The following NKAIN2 variants were observed in gnomAD, a reference collection of about 807,000 sequenced individuals.
The protein encoded by NKAIN2 is sodium/potassium-transporting ATPase subunit beta-1-interacting protein 2.
In NKAIN2, 14 loss-of-function variants were observed where a neutral mutation model predicts 32.6. The ratio of observed to expected loss-of-function variants is 0.43; its 90% CI spans 0.28 to 0.67. The LOEUF is 0.67. Among genes scored for constraint, NKAIN2 ranks in the 30% least tolerant of loss-of-function variants. NKAIN2 has a pLI of 0.17. For synonymous variants in NKAIN2, 80 were observed against 87.2 expected (o/e 0.92, Z 0.46); for missense variants, 198 against 258.3 (o/e 0.77, Z 1.60).
intron 1 of NKAIN2, among the ~76,000 whole-genome samples, chr6:124,211,422 G>A (rs1562424936): frequency 6.6e-6 from 1 of 151,864 alleles, no homozygotes; most frequent in African/African-American, 2.4e-5. Context: ...AAACAGCTCT[G>A]TTTTGGGAAT....
intron 3 of NKAIN2, among the ~76,000 whole-genome samples, chr6:124,441,560 A>C (rs987310274): frequency 1.3e-5 from 2 of 152,058 alleles, no homozygotes; most frequent in African/African-American, 4.8e-5. Flanking sequence ...AAAGGTCCAC[A>C]TGGAGGAGTT....
intron 1 of NKAIN2, among the ~76,000 whole-genome samples, chr6:123,808,362 T>C (rs1773310521): frequency 6.6e-6 from 1 of 152,190 alleles, no homozygotes; most frequent in Non-Finnish European, 1.5e-5. Context: ...CATACAATAC[T>C]TTAGAAACTT....
chr6:123,955,700 A>G (rs191023808), intron 1 of NKAIN2, among the ~76,000 whole-genome samples: 202 of 151,818 alleles, frequency 1.3e-3, no homozygotes, highest in African/African-American at 4.5e-3. Context: ...ATCATAGCTC[A>G]ATGCAACCTC....
chr6:123,883,443 C>T (rs1405791039), intron 1 of NKAIN2, among the ~76,000 whole-genome samples: 3 of 147,796 alleles, frequency 2.0e-5, no homozygotes. Flanking sequence ...CTGCACCCGG[C>T]GTGAGTGAGT....
chr6:124,099,863 G>C (rs1247135629), intron 1 of NKAIN2, among the ~76,000 whole-genome samples: 3 of 152,144 alleles, frequency 2.0e-5, no homozygotes, highest in African/African-American at 7.2e-5. Flanking sequence ...GAGGGTTAAA[G>C]CCTTTGTATG....
intron 1 of NKAIN2, among the ~76,000 whole-genome samples, chr6:124,170,793 AG>A (rs1173099544): frequency 6.6e-6 from 1 of 152,170 alleles, no homozygotes; most frequent in Non-Finnish European, 1.5e-5. Context: ...GGTGATACCT[AG>A]GGTGTTTATA....
chr6:124,823,187 C>G (rs778391888), intron 6 of NKAIN2, 33 bp from the exon 7 acceptor site: 2 of 1,504,390 alleles, frequency 1.3e-6, no homozygotes, highest in East Asian at 4.5e-5. Context: ...GTCACTTTCC[C>G]CCTTGACTAA....
chr6:124,200,689 A>G (rs6937129), intron 1 of NKAIN2, among the ~76,000 whole-genome samples: 141 of 152,198 alleles, frequency 9.3e-4, no homozygotes, highest in African/African-American at 2.7e-3. Flanking sequence ...TCTTTTCTCA[A>G]TGAAGCTTGT....
chr6:124,234,572 A>C (rs867360692), intron 1 of NKAIN2, among the ~76,000 whole-genome samples: 6 of 152,298 alleles, frequency 3.9e-5, no homozygotes, highest in Middle Eastern at 3.4e-3. Flanking sequence ...TCCTAGGATT[A>C]CAACCACCAT....
At chr6:124,221,877 G>A (rs769624571) in intron 1 of NKAIN2, among the ~76,000 whole-genome samples, 5 of 152,068 alleles carry the variant, frequency 3.3e-5, no homozygotes, top group Non-Finnish European at 5.9e-5. Flanking sequence ...ATGAGTGTTC[G>A]CTCTAGTTTG....
chr6:124,101,571 T>G (rs947221003), intron 1 of NKAIN2, among the ~76,000 whole-genome samples: 1 of 152,132 alleles, frequency 6.6e-6, no homozygotes, highest in African/African-American at 2.4e-5. Context: ...AAAGCAGGGT[T>G]TTTTTTGTTT....
chr6:124,039,094 T>A (rs1355421658), intron 1 of NKAIN2, among the ~76,000 whole-genome samples: 1 of 152,114 alleles, frequency 6.6e-6, no homozygotes, highest in Non-Finnish European at 1.5e-5. Context: ...TAAAAAAAGT[T>A]TTATAGTATT....
At chr6:124,430,196 AT>A (rs1245706810) in intron 3 of NKAIN2, among the ~76,000 whole-genome samples, 3 of 152,242 alleles carry the variant, frequency 2.0e-5, no homozygotes, top group Non-Finnish European at 4.4e-5. Flanking sequence ...AACTAAAAAA[AT>A]AAAGTCCTCT....
chr6:124,559,338 C>A (rs1780598670), intron 3 of NKAIN2, among the ~76,000 whole-genome samples: 1 of 152,090 alleles, frequency 6.6e-6, no homozygotes, highest in Non-Finnish European at 1.5e-5. Context: ...TGTAGCAGGG[C>A]TTTTAGCTGA....
At chr6:124,219,714 G>A (rs1219943793) in intron 1 of NKAIN2, among the ~76,000 whole-genome samples, 1 of 152,154 alleles carries the variant, frequency 6.6e-6, no homozygotes, top group Non-Finnish European at 1.5e-5. Flanking sequence ...CCTATAGGAA[G>A]AAGGTATTTC....
At chr6:124,444,233 T>C (rs1317319239) in intron 3 of NKAIN2, among the ~76,000 whole-genome samples, 1 of 152,086 alleles carries the variant, frequency 6.6e-6, no homozygotes, top group Non-Finnish European at 1.5e-5. Flanking sequence ...AGAAAATTGA[T>C]AGAAAATCTC....
At chr6:124,539,570 G>A (rs187814989) in intron 3 of NKAIN2, among the ~76,000 whole-genome samples, 98 of 151,976 alleles carry the variant, frequency 6.4e-4, no homozygotes, top group South Asian at 1.2e-3. Context: ...TAAAAACCTC[G>A]TTAAAAACAA....
intron 1 of NKAIN2, among the ~76,000 whole-genome samples, chr6:124,269,108 T>C (rs1794631180): frequency 6.6e-6 from 1 of 152,192 alleles, no homozygotes; most frequent in African/African-American, 2.4e-5. Flanking sequence ...GAACTTACCA[T>C]TTTGTGCCTG....
chr6:124,717,247 A>AGC, intron 4 of NKAIN2, among the ~76,000 whole-genome samples: 1 of 152,342 alleles, frequency 6.6e-6, no homozygotes, highest in Admixed American at 6.5e-5. Context: ...TAGCACTATT[A>AGC]AGTGTTAATT....
Sources: allele counts gnomAD v4.1 joint callset (sites outside exome capture counted in the v4.1 genomes callset), GRCh38; gene constraint gnomAD v4.1.1; transcripts MANE v1.5; gene names NCBI Gene and HGNC (gene_info 2026-07-23, HGNC 2026-07-21).